Variants in ERG observed in about 807,000 individuals in gnomAD.
ERG encodes the protein transcriptional regulator ERG.
In ERG, 9 loss-of-function variants were observed where a neutral mutation model predicts 55.3. The ratio of observed to expected loss-of-function variants is 0.16; its 90% CI spans 0.10 to 0.28. ERG has a LOEUF of 0.28. ERG is among the 10% of genes least tolerant of loss of function. ERG has a pLI of 1.00. For missense variants in ERG, 434 were observed against 631.6 expected, an observed-to-expected ratio of 0.69 and a Z score of 3.35; for synonymous variants, 223 against 237.3, an observed-to-expected ratio of 0.94 and a Z score of 0.55.
chr21:38,561,652 G>T (rs1191277782), intron 2 of ERG, among the ~76,000 whole-genome samples: 2 of 151,998 alleles, frequency 1.3e-5, no homozygotes, highest in African/African-American at 2.4e-5. Flanking sequence ...GAATCACCTG[G>T]TTAAAGTTAG....
intron 2 of ERG, among the ~76,000 whole-genome samples, chr21:38,517,117 A>G (rs911857632): frequency 6.6e-6 from 1 of 152,170 alleles, no homozygotes; most frequent in African/African-American, 2.4e-5. Flanking sequence ...ATGAGACTAT[A>G]TTAAACTAAA....
intron 1 of ERG, among the ~76,000 whole-genome samples, chr21:38,633,924 G>T (rs911318671): frequency 8.6e-5 from 13 of 151,516 alleles, no homozygotes; most frequent in African/African-American, 2.7e-4. Context: ...GTGATGGGCT[G>T]CCCTAAAGCT....
chr21:38,385,324 C>T lies in ERG; in HGVS notation c.920-1401G>A, dbSNP rs561156635. ...TCCCAAATTCCAGTTACAGCACTGC[C>T]TTAGACTTATTACCAAAAGATTACC... On this transcript the variant is annotated intron_variant, in intron 9 of 9. Coordinates refer to ENST00000288319, the MANE Select transcript of ERG (RefSeq NM_182918.4). Among the ~76,000 whole-genome samples, 8 of 152,198 alleles carry T rather than the reference C, an allele frequency of 5.3e-5. No homozygotes were observed. The South Asian group carries it at 1.5e-3, about 28-fold the overall frequency.
chr21:38,467,656 A>T (rs1355246102), intron 1 of ERG, among the ~76,000 whole-genome samples: 1 of 152,186 alleles, frequency 6.6e-6, no homozygotes, highest in Non-Finnish European at 1.5e-5. Flanking sequence ...GGCCATATAG[A>T]AATCTATTAA....
intron 1 of ERG, among the ~76,000 whole-genome samples, chr21:38,485,460 T>A (rs189453181): frequency 6.0e-4 from 74 of 122,554 alleles, no homozygotes; most frequent in African/African-American, 1.9e-3. Flanking sequence ...AAATATACAG[T>A]CTTTTTTTTT....
chr21:38,634,576 G>C (rs1164545494), intron 1 of ERG, among the ~76,000 whole-genome samples: 1 of 152,176 alleles, frequency 6.6e-6, no homozygotes, highest in Non-Finnish European at 1.5e-5. Context: ...ACATCAAGTG[G>C]AGAGAACATC....
chr21:38,491,885 T>C (rs919079161), intron 1 of ERG, among the ~76,000 whole-genome samples: 1 of 152,240 alleles, frequency 6.6e-6, no homozygotes, highest in Non-Finnish European at 1.5e-5. Flanking sequence ...TGAGCAAATA[T>C]AGAATTCAGT....
intron 2 of ERG, among the ~76,000 whole-genome samples, chr21:38,430,366 CTGTT>C (rs1265871368): frequency 6.6e-6 from 1 of 152,146 alleles, no homozygotes; most frequent in Non-Finnish European, 1.5e-5. Context: ...TGTGGGTTGT[CTGTT>C]TGCTGATTAT....
chr21:38,435,854 G>C lies in ERG; in HGVS notation c.236+9550C>G, dbSNP rs562811457. Among the ~76,000 whole-genome samples, 7 of 152,266 alleles carry C rather than the reference G, an allele frequency of 4.6e-5. No individual in the cohort carries two copies. In the East Asian group the frequency reaches 1.2e-3, roughly 25 times the overall value. On this transcript the variant is annotated intron_variant, in intron 2 of 9. Transcript: ENST00000288319. The stretch of plus-strand genomic sequence containing the variant: ...TCTCTACAAGCAGTTACATGACAAA[G>C]ATCAGATGTGACATCTTTTCTATCT...
chr21:38,599,363 G>A (rs1340559363), intron 1 of ERG, among the ~76,000 whole-genome samples: 1 of 152,180 alleles, frequency 6.6e-6, no homozygotes, highest in African/African-American at 2.4e-5. Flanking sequence ...CCCTGCCATG[G>A]AGAGCTGTGG....
chr21:38,580,127 T>C (rs2060020028), intron 1 of ERG, among the ~76,000 whole-genome samples: 1 of 151,686 alleles, frequency 6.6e-6, no homozygotes, highest in Admixed American at 6.6e-5. Flanking sequence ...GCTAATTTTT[T>C]GTATTTTTAG....
intron 1 of ERG, among the ~76,000 whole-genome samples, chr21:38,488,732 G>A (rs1440490708): frequency 2.6e-5 from 4 of 152,162 alleles, no homozygotes; most frequent in Non-Finnish European, 5.9e-5. Context: ...GAATCTCAAA[G>A]AGACTTATTT....
intron 2 of ERG, among the ~76,000 whole-genome samples, chr21:38,548,397 G>A (rs2836509): frequency 0.51 from 76,631 of 151,528 alleles, 20,690 homozygotes; most frequent in Non-Finnish European, 0.62. Context: ...TGTAGGCAAC[G>A]ATTCCAAGAT....
intron 2 of ERG, among the ~76,000 whole-genome samples, chr21:38,520,167 T>A (rs1223078845): frequency 6.6e-6 from 1 of 152,150 alleles, no homozygotes; most frequent in African/African-American, 2.4e-5. Flanking sequence ...CAGTCATCTA[T>A]CAATTCACTG....
At chr21:38,553,381 G>A (rs1311886163) in intron 2 of ERG, among the ~76,000 whole-genome samples, 1 of 152,024 alleles carries the variant, frequency 6.6e-6, no homozygotes, top group Non-Finnish European at 1.5e-5. Context: ...AATAGCCAAA[G>A]CAATTCTAGG....
chr21:38,606,024 G>A (rs1476321981), intron 1 of ERG, among the ~76,000 whole-genome samples: 1 of 152,132 alleles, frequency 6.6e-6, no homozygotes, highest in African/African-American at 2.4e-5. Flanking sequence ...TCATTAGACA[G>A]ATGATTGATA....
At chr21:38,508,329 A>G (rs962404370) in intron 2 of ERG, among the ~76,000 whole-genome samples, 1 of 152,040 alleles carries the variant, frequency 6.6e-6, no homozygotes, top group Non-Finnish European at 1.5e-5. Flanking sequence ...AGCCTCCCAA[A>G]TCTGTATCTT....
chr21:38,568,094 G>A (rs924158026), intron 2 of ERG, among the ~76,000 whole-genome samples: 20 of 140,164 alleles, frequency 1.4e-4, no homozygotes, highest in East Asian at 2.3e-4. Flanking sequence ...AATTTTTTCC[G>A]TAAGATTTCC....
intron 2 of ERG, among the ~76,000 whole-genome samples, chr21:38,503,717 G>C (rs979180832): frequency 2.1e-4 from 32 of 152,280 alleles, no homozygotes; most frequent in Admixed American, 1.8e-3. Context: ...TTATTCATGA[G>C]AGCCCCGCAA....
Sources: allele counts gnomAD v4.1 joint callset (sites outside exome capture counted in the v4.1 genomes callset), GRCh38; gene constraint gnomAD v4.1.1; transcripts MANE v1.5; gene names NCBI Gene and HGNC (gene_info 2026-07-23, HGNC 2026-07-21).